The following CKLF variants were observed in gnomAD, a reference collection of about 807,000 sequenced individuals.
The protein encoded by CKLF is chemokine like factor.
In CKLF, 16 loss-of-function variants were observed where a neutral mutation model predicts 12.9. The observed-to-expected ratio is 1.24, with a 90% confidence interval of 0.84 to 1.88. The LOEUF (loss-of-function observed/expected upper bound fraction) is 1.88, where lower values mean the gene tolerates loss of function less well. Ranked by LOEUF, CKLF falls within the 40% of genes most tolerant of loss-of-function variation. The pLI, the probability that CKLF is intolerant of heterozygous loss-of-function variation, is 0.00. For synonymous variants in CKLF, 61 were observed against 69.0 expected (o/e 0.88, Z 0.57); for missense variants, 172 against 188.5 (o/e 0.91, Z 0.51).
intron 2 of CKLF, among the ~76,000 whole-genome samples, chr16:66,562,674 T>A (rs369688525): frequency 3.4e-4 from 52 of 152,382 alleles, no homozygotes; most frequent in African/African-American, 9.9e-4. Flanking sequence ...GAAAGATAGA[T>A]GCTAAATAAA....
rs781098477 is a variant in CKLF, at chr16:66,558,191, CACTA to C, written c.84_87del (p.Thr29Ter). On this transcript the variant is annotated frameshift_variant and splice_region_variant, in exon 2 of 4. Coordinates refer to ENST00000264001, the MANE Select transcript of CKLF (RefSeq NM_016951.4). LOFTEE classifies it high-confidence loss of function. ...AAATCGTGGGTTTTTTTCTTCTAGG[CACTA>C]ACTGTGACATCTATGACCTTTTTTA... 2 of 1,609,574 alleles carry C rather than the reference CACTA, an allele frequency of 1.2e-6. No individual in the cohort carries two copies. Among genetic ancestry groups the C allele is most frequent in the Non-Finnish European group, 1.7e-6 (2 of 1,179,092 alleles).
At chr16:66,558,697 A>G (rs1255948039) in intron 2 of CKLF, among the ~76,000 whole-genome samples, 1 of 152,248 alleles carries the variant, frequency 6.6e-6, no homozygotes, top group East Asian at 1.9e-4. Flanking sequence ...GCATGTTAAT[A>G]TGGCCTCAAA....
intron 2 of CKLF, among the ~76,000 whole-genome samples, chr16:66,561,863 T>C (rs1049212640): frequency 6.6e-6 from 1 of 152,192 alleles, no homozygotes; most frequent in African/African-American, 2.4e-5. Flanking sequence ...GCTAGACAGT[T>C]TACCTTTCCC....
At position 66,558,259 on chromosome 16, in the gene CKLF, G is replaced by A. The variant is rs139678335; in HGVS notation, c.148G>A (p.Gly50Arg). Residue 50 changes from glycine to arginine, a missense_variant, in exon 2 of 4, where the codon GGA (glycine) becomes AGA (arginine). Transcript: ENST00000264001. ...CCCTGAACCATATATTGTTATCACT[G>A]GATTTGAAGTCACCGTTATCTTATT... is the stretch of plus-strand genomic sequence containing the variant. ...QAPEPYIVIT[G>R]FEVTVILFFI... 2 of 1,613,686 alleles carry A rather than the reference G, an allele frequency of 1.2e-6. No individual in the cohort carries two copies. Among genetic ancestry groups the A allele is most frequent in the African/African-American group, 2.7e-5 (2 of 74,828 alleles).
intron 2 of CKLF, among the ~76,000 whole-genome samples, chr16:66,562,263 T>G (rs2011784954): frequency 6.6e-6 from 1 of 152,154 alleles, no homozygotes; most frequent in South Asian, 2.1e-4. Context: ...TTTTGTATTT[T>G]TTAATAAAGA....
In CKLF at chr16:66,552,756, G is replaced by T. The variant is rs755139720; in HGVS notation, c.41G>T (p.Cys14Phe). The change falls in exon 1 of 4, where the codon TGC becomes TTC. Residue 14 changes from cysteine (C) to phenylalanine (F), a missense_variant. Cys to Phe is a radical substitution (Grantham distance 205). Coordinates refer to ENST00000264001, the MANE Select transcript of CKLF (RefSeq NM_016951.4). ...CCGAAAATAAAACATCGCCCCTTCT[G>T]CTTCAGTGTGAAAGGCCACGTGAAG... ...VQPKIKHRPF[C>F]FSVKGHVKML... The T allele has an allele frequency of 6.2e-7, 1 of 1,614,162 alleles. No homozygotes were observed. The highest frequency in any genetic ancestry group is 1.1e-5 in the South Asian group (1 of 91,086).
At chr16:66,558,428 T>C in intron 2 of CKLF, 80 bp downstream of exon 2, 1 of 1,527,342 alleles carries the variant, frequency 6.5e-7, no homozygotes, top group Non-Finnish European at 8.7e-7. Context: ...TTTTTGCTTC[T>C]CTTAAACCTT....
At chr16:66,553,058 GC>G (rs933704647) in intron 1 of CKLF, among the ~76,000 whole-genome samples, 1 of 152,212 alleles carries the variant, frequency 6.6e-6, no homozygotes, top group African/African-American at 2.4e-5. Flanking sequence ...ACTTTGGGAG[GC>G]CGGGACGGGA....
At chr16:66,564,519 G>A (rs1039188552) in intron 3 of CKLF, among the ~76,000 whole-genome samples, 1 of 149,696 alleles carries the variant, frequency 6.7e-6, no homozygotes, top group East Asian at 2.0e-4. Context: ...CCAGGCTGGT[G>A]GAGTGCAGTG....
chr16:66,563,202 G>A lies in CKLF; in HGVS notation c.318G>A (p.Leu106=), dbSNP rs751492821. The stretch of plus-strand genomic sequence containing the variant: ...CACTGATACCAGAAACCACAACATT[G>A]ACAGTTGGTGGAGGGGTAAGTGGAA... ...VLALIPETTT[L]TVGGGVFALV... The change falls in exon 3 of 4, where the codon TTG becomes TTA. Residue 106 remains leucine (L), a synonymous_variant. Coordinates refer to ENST00000264001, the MANE Select transcript of CKLF (RefSeq NM_016951.4). 1.2e-6 allele frequency: 2 copies of A among 1,614,050 alleles called. No homozygotes were observed. Among genetic ancestry groups the A allele is most frequent in the Non-Finnish European group, 8.5e-7 (1 of 1,180,018 alleles).
chr16:66,565,344 T>A (rs2012155896), intron 3 of CKLF, among the ~76,000 whole-genome samples: 1 of 152,226 alleles, frequency 6.6e-6, no homozygotes, highest in African/African-American at 2.4e-5. Context: ...AATTTTACTT[T>A]CTTAAGGTCT....
chr16:66,564,423 T>A (rs2011992569), intron 3 of CKLF, among the ~76,000 whole-genome samples: 1 of 152,176 alleles, frequency 6.6e-6, no homozygotes. Context: ...GATAATATTT[T>A]AGACATACTG....
intron 2 of CKLF, among the ~76,000 whole-genome samples, chr16:66,560,880 G>C (rs1428314917): frequency 6.6e-6 from 1 of 151,916 alleles, no homozygotes; most frequent in African/African-American, 2.4e-5. Flanking sequence ...TTCCAGAGGA[G>C]TTTGCCTCCA....
chr16:66,566,286 C>A, downstream of CKLF: 1 of 1,445,768 alleles, frequency 6.9e-7, no homozygotes, highest in Non-Finnish European at 9.0e-7. This position sits in a 1 kb window ranked among gnomAD's most constrained non-coding sequence, Gnocchi z 4.9. Flanking sequence ...CCGGCAGCTC[C>A]GAGGTGTGGG....
At chr16:66,554,209 T>A (rs16956649) in intron 1 of CKLF, among the ~76,000 whole-genome samples, 4,009 of 152,328 alleles carry the variant, frequency 0.026, 86 homozygotes, top group Non-Finnish European at 0.034. Context: ...CAAAAATCCC[T>A]GACTCATGGA....
intron 3 of CKLF, 116 bp from the exon 4 acceptor site, chr16:66,565,770 G>A (rs2012218676): frequency 1.1e-6 from 1 of 875,844 alleles, no homozygotes; most frequent in African/African-American, 1.7e-5. Context: ...GAAGCACAGG[G>A]AGCAATCCGA....
intron 1 of CKLF, among the ~76,000 whole-genome samples, chr16:66,557,703 G>GA (rs984889530): frequency 6.6e-5 from 10 of 152,198 alleles, no homozygotes; most frequent in African/African-American, 2.4e-4. Context: ...TATTTTAAAA[G>GA]AACACAACTG....
Position 66,565,940 on chromosome 16 carries a change from C to A in CKLF, c.388C>A (p.Arg130=), listed in dbSNP as rs376804720. The A allele has an allele frequency of 6.2e-7, 1 of 1,613,858 alleles. No individual in the cohort carries two copies. ...CCLADGALIY[R]KLLFNPSGPY... is the part of the protein sequence containing the mutation. The stretch of plus-strand genomic sequence containing the variant: ...TCTTGCCGACGGGGCCCTTATTTAC[C>A]GGAAGCTTCTGTTCAATCCCAGCGG... Residue 130 remains arginine (R), a synonymous_variant, in exon 4 of 4, where the codon CGG becomes AGG. Coordinates refer to ENST00000264001, the MANE Select transcript of CKLF (RefSeq NM_016951.4).
At chr16:66,556,644 T>C (rs2011463395) in intron 1 of CKLF, among the ~76,000 whole-genome samples, 3 of 152,174 alleles carry the variant, frequency 2.0e-5, no homozygotes, top group Admixed American at 2.0e-4. Context: ...CTTGGTCCAA[T>C]AGAGTAATTG....
Sources: gnomAD v4.1 joint callset for allele counts (sites outside exome capture counted in the v4.1 genomes callset) on GRCh38, gnomAD v4.1.1 for gene constraint, Gnocchi (gnomAD v3.1) non-coding constraint, MANE v1.5 for transcripts, NCBI Gene and HGNC (gene_info 2026-07-23, HGNC 2026-07-21) for gene names.